MYO9A: variants seen among roughly 807,000 people sequenced by gnomAD.
The protein encoded by MYO9A is myosin IXA, also known as unconventional myosin-IXa.
Under a neutral mutation model 293.3 loss-of-function variants are expected in MYO9A, and 103 were observed. The observed-to-expected ratio is 0.35, with a 90% CI of 0.30 to 0.41. The LOEUF (loss-of-function observed/expected upper bound fraction) is 0.41. Among genes scored for constraint, MYO9A ranks in the 10% least tolerant of loss-of-function variants. The pLI, the probability that MYO9A is intolerant of heterozygous loss-of-function variation, is 1.00. For missense variants in MYO9A, 2,685 were observed against 3,033.0 expected (o/e 0.89, Z 2.69); for synonymous variants, 1,001 against 1,035.7 (o/e 0.97, Z 0.64).
chr15:71,935,398 C>T lies in MYO9A; in HGVS notation c.2465G>A (p.Gly822Glu). Residue 822 changes from glycine to glutamate, a missense_variant, in exon 17 of 42, where the codon GGA (glycine) becomes GAA (glutamate). Physicochemically the swap from Gly to Glu is moderately conservative, Grantham distance 98 (BLOSUM62 -2). Transcript: ENST00000356056. The stretch of plus-strand genomic sequence containing the variant: ...GCTGCTAGTTGAATTAGCAAATATT[C>T]CATCTTTATCAAGCAAGGAGGTGCC... ...SSGTSLLDKD[G>E]IFANSTSSKL... The T allele has an allele frequency of 6.2e-7, 1 of 1,613,688 alleles. No individual in the cohort carries two copies. Among genetic ancestry groups the T allele is most frequent in the Non-Finnish European group, 8.5e-7 (1 of 1,179,718 alleles).
intron 16 of MYO9A, among the ~76,000 whole-genome samples, chr15:71,936,529 A>G (rs1420476196): frequency 6.6e-6 from 1 of 152,180 alleles, no homozygotes; most frequent in Non-Finnish European, 1.5e-5. Flanking sequence ...GAGACGACGA[A>G]TATGGTAATT....
intron 1 of MYO9A, among the ~76,000 whole-genome samples, chr15:72,061,957 G>C (rs963650634): frequency 2.0e-5 from 3 of 152,126 alleles, no homozygotes; most frequent in Admixed American, 6.5e-5. Context: ...GCGGTGCTTG[G>C]GTCACACCTC....
At chr15:71,918,019 A>G (rs2144849208) in intron 18 of MYO9A, among the ~76,000 whole-genome samples, 2 of 152,344 alleles carry the variant, frequency 1.3e-5, no homozygotes, top group Admixed American at 1.3e-4. Flanking sequence ...CAGATATCAC[A>G]ATAAAAGAAA....
rs548359232 is a variant in MYO9A at position 72,045,367 on chromosome 15, A to G, written c.840+357T>C. ...CAACCTCTGCCTCCCAGGTTCAAAC[A>G]ATTCTCCTGCCTCAGCCTCCCGAGT... On this transcript the variant is annotated intron_variant, in intron 2 of 41. Coordinates refer to ENST00000356056, the MANE Select transcript of MYO9A (RefSeq NM_006901.4). 2.0e-3 allele frequency: 327 copies of G among 160,480 alleles called. 1 individual carries two copies. Among genetic ancestry groups the G allele is most frequent in the Non-Finnish European group, 3.9e-3 (288 of 73,170 alleles). 9.9% of individuals were successfully genotyped at this position (160,480 alleles called of 1,614,324 possible).
intron 18 of MYO9A, among the ~76,000 whole-genome samples, chr15:71,928,446 T>C (rs932502771): frequency 3.9e-5 from 6 of 152,068 alleles, no homozygotes; most frequent in African/African-American, 9.7e-5. Context: ...TGTATTCATA[T>C]GAATTTCAGG....
chr15:72,046,681 T>C, intron 1 of MYO9A, 47 bp from the exon 2 acceptor site: 2 of 1,244,162 alleles, frequency 1.6e-6, no homozygotes, highest in Admixed American at 2.5e-5. Context: ...TACACATTGC[T>C]TTCTGATGCT....
At chr15:71,936,611 TA>T (rs1265476123) in intron 16 of MYO9A, among the ~76,000 whole-genome samples, 1 of 152,114 alleles carries the variant, frequency 6.6e-6, no homozygotes, top group African/African-American at 2.4e-5. Context: ...TATGTATAAT[TA>T]TTATGAGTGA....
chr15:71,871,901 G>T (rs2056526133), intron 32 of MYO9A, among the ~76,000 whole-genome samples: 1 of 151,340 alleles, frequency 6.6e-6, no homozygotes, highest in South Asian at 2.1e-4. Flanking sequence ...ATACATATGT[G>T]TATAAAATAT....
At chr15:72,091,714 T>C (rs1338878024) in intron 1 of MYO9A, among the ~76,000 whole-genome samples, 2 of 52,250 alleles carry the variant, frequency 3.8e-5, no homozygotes, top group African/African-American at 4.8e-5. Flanking sequence ...ATATTCTTTT[T>C]TTCTTTTTTT....
chr15:72,047,066 C>G (rs141207000), intron 1 of MYO9A, among the ~76,000 whole-genome samples: 1 of 152,102 alleles, frequency 6.6e-6, no homozygotes, highest in Non-Finnish European at 1.5e-5. Flanking sequence ...GAAAGCATCC[C>G]AACAATGGAG....
chr15:71,838,122 G>A (rs181399710), intron 39 of MYO9A, among the ~76,000 whole-genome samples: 62 of 152,134 alleles, frequency 4.1e-4, no homozygotes, highest in African/African-American at 1.4e-3. Context: ...CCCTGAAAAG[G>A]ATCTGTAGAT....
chr15:71,988,551 G>T (rs976798528), intron 11 of MYO9A, among the ~76,000 whole-genome samples: 2 of 152,006 alleles, frequency 1.3e-5, no homozygotes, highest in African/African-American at 4.8e-5. Context: ...GACTAATATT[G>T]TCATGCTATT....
chr15:71,860,996 C>CAAAAAAAAAAAAAA (rs2056099523), intron 33 of MYO9A, among the ~76,000 whole-genome samples: 8 of 99,262 alleles, frequency 8.1e-5, no homozygotes, highest in Admixed American at 4.2e-4. Context: ...AAAAAAAAAT[C>CAAAAAAAAAAAAAA]AAACCAGCCC....
At chr15:71,875,146 TTCTA>T (rs566725785) in intron 32 of MYO9A, among the ~76,000 whole-genome samples, 6 of 152,118 alleles carry the variant, frequency 3.9e-5, no homozygotes, top group Non-Finnish European at 5.9e-5. Flanking sequence ...GTATCTATGT[TTCTA>T]TCTATTGTAT....
At chr15:71,852,696 A>G (rs1467034595) in intron 35 of MYO9A, among the ~76,000 whole-genome samples, 1 of 152,040 alleles carries the variant, frequency 6.6e-6, no homozygotes, top group Non-Finnish European at 1.5e-5. Context: ...TGACTAACCT[A>G]TTTTCCACAA....
intron 2 of MYO9A, among the ~76,000 whole-genome samples, chr15:72,041,025 G>A (rs928689641): frequency 5.9e-5 from 9 of 152,090 alleles, no homozygotes; most frequent in African/African-American, 2.2e-4. Flanking sequence ...CAGGTGGATC[G>A]CTTGAGCCTG....
intron 35 of MYO9A, among the ~76,000 whole-genome samples, chr15:71,853,880 G>A (rs921838899): frequency 6.6e-6 from 1 of 152,204 alleles, no homozygotes; most frequent in East Asian, 1.9e-4. Flanking sequence ...AATAGATTAT[G>A]AATTCAGAAG....
chr15:71,836,530 T>A (rs1045592396), intron 39 of MYO9A, among the ~76,000 whole-genome samples: 1 of 152,040 alleles, frequency 6.6e-6, no homozygotes, highest in Non-Finnish European at 1.5e-5. Flanking sequence ...CAAAAATACA[T>A]GTATGAGTCC....
At chr15:71,956,748 T>C (rs1450151944) in intron 14 of MYO9A, among the ~76,000 whole-genome samples, 1 of 94,664 alleles carries the variant, frequency 1.1e-5, no homozygotes, top group East Asian at 5.6e-4. Flanking sequence ...ATATGTAGCA[T>C]ATATAGCATA....
Sources: gnomAD v4.1 joint callset for allele counts (sites outside exome capture counted in the v4.1 genomes callset) on GRCh38, gnomAD v4.1.1 for gene constraint, MANE v1.5 for transcripts, NCBI Gene and HGNC (gene_info 2026-07-23, HGNC 2026-07-21) for gene names.